The following CASP6 variants were observed in gnomAD, a reference collection of about 807,000 sequenced individuals.
CASP6 encodes caspase 6, also known as caspase-6.
A neutral mutation model predicts 31.8 loss-of-function variants in CASP6; 20 were observed. The ratio of observed to expected loss-of-function variants is 0.63; its 90% CI spans 0.44 to 0.91. The LOEUF is 0.91. Ranked by LOEUF, CASP6 falls within the 40% of genes least tolerant of loss-of-function variation. The pLI is 0.00. For missense variants in CASP6, 328 were observed against 361.1 expected (o/e 0.91, Z 0.74); for synonymous variants, 130 against 127.8 (o/e 1.02, Z -0.12).
chr4:109,696,341 T>G, intron 4 of CASP6, 69 bp downstream of exon 4: 1 of 1,134,574 alleles, frequency 8.8e-7, no homozygotes, highest in South Asian at 1.4e-5. Flanking sequence ...TGTACCTGTC[T>G]TTACAGATAG....
rs75276124 is a variant in CASP6, at chr4:109,696,336, C to T, written c.307+74G>A. The T allele has an allele frequency of 8.3e-4, 881 of 1,057,402 alleles. 8 individuals carry two copies. The African/African-American group carries it at 0.012, about 15-fold the overall frequency. 65.5% of individuals were successfully genotyped at this position (1,057,402 alleles called of 1,614,324 possible). On this transcript the variant is annotated intron_variant, in intron 4 of 6. Transcript: ENST00000265164. ...TTGTCACACAAGTAATTACTTGTACCTGTCTTTACAGATAGGATAAAGGAC... is the reference window on the plus strand; with the variant it reads ...TTGTCACACAAGTAATTACTTGTACTTGTCTTTACAGATAGGATAAAGGAC...
chr4:109,679,306 G>A, the CASP6 span, among the ~76,000 whole-genome samples: 1 of 152,234 alleles, frequency 6.6e-6, no homozygotes, highest in Non-Finnish European at 1.5e-5. Context: ...CGGCTGGGAG[G>A]TGGAGGTTGT....
chr4:109,694,840 TG>T, intron 4 of CASP6, 140 bp from the exon 5 acceptor site: 1 of 847,932 alleles, frequency 1.2e-6, no homozygotes. Flanking sequence ...TTGTCTTTTT[TG>T]TTTTTTTGAG....
At chr4:109,672,444 A>T in the CASP6 span, among the ~76,000 whole-genome samples, 48,246 of 152,136 alleles carry the variant, frequency 0.32, 7,816 homozygotes, top group East Asian at 0.47. Context: ...TTCACCAATT[A>T]CAGTTTAAGA....
At chr4:109,666,807 T>G in the CASP6 span, among the ~76,000 whole-genome samples, 1 of 152,148 alleles carries the variant, frequency 6.6e-6, no homozygotes, top group Admixed American at 6.5e-5. Flanking sequence ...TGTGAATTGG[T>G]GTTCAATTTT....
chr4:109,664,465 C>T, the CASP6 span: 11 of 647,664 alleles, frequency 1.7e-5, no homozygotes, highest in South Asian at 2.0e-4. Flanking sequence ...TGCTCTGTTT[C>T]CCAGGCTGGA....
intron 1 of CASP6, among the ~76,000 whole-genome samples, chr4:109,699,795 C>T (rs1730363043): frequency 6.6e-6 from 1 of 152,374 alleles, no homozygotes; most frequent in South Asian, 2.1e-4. Flanking sequence ...CTACTCCACA[C>T]ACTGCTCTAT....
At chr4:109,683,633 G>C (rs1729766198), downstream of CASP6, among the ~76,000 whole-genome samples, 1 of 152,096 alleles carries the variant, frequency 6.6e-6, no homozygotes, top group African/African-American at 2.4e-5. Flanking sequence ...ACACTATTAT[G>C]CACTATTCTC....
upstream of CASP6, among the ~76,000 whole-genome samples, chr4:109,707,936 T>A (rs1050654237): frequency 6.6e-6 from 1 of 152,224 alleles, no homozygotes; most frequent in African/African-American, 2.4e-5. Flanking sequence ...CTTTCAGATT[T>A]GATGAAACGG....
chr4:109,690,473 G>C (rs1730011557), intron 6 of CASP6, among the ~76,000 whole-genome samples: 1 of 151,444 alleles, frequency 6.6e-6, no homozygotes, highest in East Asian at 1.9e-4. Context: ...AGTGAGCCAT[G>C]ATCATGCCAT....
At chr4:109,677,162 AC>A in the CASP6 span, among the ~76,000 whole-genome samples, 2 of 152,126 alleles carry the variant, frequency 1.3e-5, no homozygotes, top group Non-Finnish European at 2.9e-5. Flanking sequence ...GTTGTTTACT[AC>A]CCTGTTGGGT....
At chr4:109,693,597 G>A (rs1484161913) in intron 5 of CASP6, among the ~76,000 whole-genome samples, 4 of 149,556 alleles carry the variant, frequency 2.7e-5, no homozygotes, top group African/African-American at 9.9e-5. Context: ...TGAAGTGGGA[G>A]AATAATTGAA....
chr4:109,692,133 A>T (rs1730076442), intron 5 of CASP6: 1 of 152,238 alleles, frequency 6.6e-6, no homozygotes, highest in South Asian at 2.1e-4. Flanking sequence ...AAATCATAAA[A>T]TAAATAGAAA....
intron 1 of CASP6, among the ~76,000 whole-genome samples, chr4:109,699,393 A>G (rs1408264229): frequency 6.6e-6 from 1 of 151,932 alleles, no homozygotes; most frequent in East Asian, 1.9e-4. Flanking sequence ...GATTGATCTA[A>G]CCTCACTTCT....
the CASP6 span, among the ~76,000 whole-genome samples, chr4:109,666,031 G>C: frequency 6.6e-6 from 1 of 152,196 alleles, no homozygotes; most frequent in South Asian, 2.1e-4. Flanking sequence ...GAGTGATAAG[G>C]GAGGAGACGA....
chr4:109,681,760 G>A, the CASP6 span, among the ~76,000 whole-genome samples: 2 of 152,228 alleles, frequency 1.3e-5, no homozygotes, highest in Non-Finnish European at 2.9e-5. Flanking sequence ...CACCCTGCTG[G>A]ATCCGGAAGA....
At chr4:109,664,909 C>A in the CASP6 span, among the ~76,000 whole-genome samples, 1 of 151,156 alleles carries the variant, frequency 6.6e-6, no homozygotes, top group Non-Finnish European at 1.5e-5. Context: ...ATCAAGAATT[C>A]AAGTATACAT....
the CASP6 span, among the ~76,000 whole-genome samples, chr4:109,668,785 CT>C: frequency 9.7e-4 from 147 of 151,474 alleles, 1 homozygote; most frequent in East Asian, 0.018. Context: ...ATTTTCTCTC[CT>C]TTTCCAGCAT....
downstream of CASP6, chr4:109,688,362 G>C (rs911986595): frequency 1.3e-5 from 2 of 152,192 alleles, no homozygotes; most frequent in African/African-American, 4.8e-5. Context: ...CTGTTTGTAG[G>C]AACTTAACAT....
Sources: gnomAD v4.1 joint callset for allele counts (sites outside exome capture counted in the v4.1 genomes callset) on GRCh38, gnomAD v4.1.1 for gene constraint, MANE v1.5 for transcripts, NCBI Gene and HGNC (gene_info 2026-07-23, HGNC 2026-07-21) for gene names.